Variants in MALRD1 observed in about 807,000 individuals in gnomAD.
The protein encoded by MALRD1 is MAM and LDL receptor class A domain containing 1.
A neutral mutation model predicts 242.1 loss-of-function variants in MALRD1; 247 were observed. The ratio of observed to expected loss-of-function variants is 1.02; its 90% CI spans 0.92 to 1.13. The LOEUF is 1.13. MALRD1 is among the 50% of genes most tolerant of loss of function. The pLI, the probability that MALRD1 is intolerant of heterozygous loss-of-function variation, is 0.00. For synonymous variants in MALRD1, 995 were observed against 866.6 expected (o/e 1.15, Z -2.60); for missense variants, 2,989 against 2,533.1 (o/e 1.18, Z -3.86).
At chr10:19,430,541 A>G (rs1261534346) in intron 28 of MALRD1, among the ~76,000 whole-genome samples, 2 of 152,120 alleles carry the variant, frequency 1.3e-5, no homozygotes, top group Admixed American at 6.5e-5. Flanking sequence ...ATAGCCCACT[A>G]AAGTACTCTC....
intron 8 of MALRD1, among the ~76,000 whole-genome samples, chr10:19,130,980 A>G (rs1441607982): frequency 1.3e-5 from 2 of 152,164 alleles, no homozygotes; most frequent in African/African-American, 4.8e-5. Context: ...TAGTGTATTA[A>G]CCAGAACCAA....
chr10:19,233,264 G>C (rs1017705665), intron 18 of MALRD1, among the ~76,000 whole-genome samples: 8 of 152,166 alleles, frequency 5.3e-5, no homozygotes, highest in African/African-American at 1.9e-4. Context: ...CTCTTTGGGA[G>C]GCCGAGGTGG....
chr10:19,387,390 T>C (rs1378477112), intron 26 of MALRD1, 138 bp from the exon 27 acceptor site: 1 of 965,182 alleles, frequency 1.0e-6, no homozygotes, highest in Non-Finnish European at 1.5e-6. Context: ...GAGAGAGAGA[T>C]GGGGTTCAGG....
rs374095193 is a variant in MALRD1, at chr10:19,373,203, C to CAAAAAAAAAAAAAAAAAAAAA, written c.4442-14308_4442-14307insAAAAAAAAAAAAAAAAAAAAA. On this transcript the variant is annotated intron_variant, in intron 26 of 39. Coordinates refer to ENST00000454679, the MANE Select transcript of MALRD1 (RefSeq NM_001142308.3). ...CTTGCATTTCAGCAAACGCTAAATA[C>CAAAAAAAAAAAAAAAAAAAAA]AAAAAAAAAAAAAAAAATAAGGGGC... Among the ~76,000 whole-genome samples the CAAAAAAAAAAAAAAAAAAAAA allele has an allele frequency of 3.9e-4, 45 of 114,844 alleles. 1 individual carries two copies. The highest frequency in any genetic ancestry group is 8.6e-4 in the African/African-American group (25 of 29,212). 75.3% of individuals were successfully genotyped at this position (114,844 alleles called of 152,430 possible).
At chr10:19,315,038 ATAAATAT>A (rs1238139268) in intron 21 of MALRD1, among the ~76,000 whole-genome samples, 7 of 142,942 alleles carry the variant, frequency 4.9e-5, no homozygotes, top group African/African-American at 1.5e-4. Context: ...TATAATTTAT[ATAAATAT>A]GTAAATATAA....
Position 19,615,849 on chromosome 10 carries a change from C to G in MALRD1, c.6071-8C>G. On this transcript the variant is annotated splice_polypyrimidine_tract_variant and splice_region_variant and intron_variant, in intron 35 of 39. Transcript: ENST00000454679. ...ATTAACTGGTGTCTTTGTGATGCTT[C>G]TTTTTAGAATGTCCATTAAATTACT... is the stretch of plus-strand genomic sequence containing the variant. 6.6e-7 allele frequency: 1 copy of G among 1,525,194 alleles called. No homozygotes were observed. Among genetic ancestry groups the G allele is most frequent in the South Asian group, 1.2e-5 (1 of 82,468 alleles). 94.5% of individuals were successfully genotyped at this position (1,525,194 alleles called of 1,614,324 possible).
At chr10:19,183,115 GTTTT>G (rs71387051) in intron 14 of MALRD1, among the ~76,000 whole-genome samples, 122 of 137,884 alleles carry the variant, frequency 8.8e-4, no homozygotes, top group Admixed American at 3.5e-3. Context: ...TATTTTGAGG[GTTTT>G]TTTTTTTTTT....
intron 28 of MALRD1, among the ~76,000 whole-genome samples, chr10:19,428,492 C>G (rs1003802902): frequency 2.6e-5 from 4 of 152,002 alleles, no homozygotes; most frequent in African/African-American, 7.2e-5. Context: ...TTCTCCTAAT[C>G]TCTGCCTCTT....
At chr10:19,529,521 A>C (rs2131341185) in intron 31 of MALRD1, among the ~76,000 whole-genome samples, 2 of 128,430 alleles carry the variant, frequency 1.6e-5, no homozygotes, top group South Asian at 3.1e-4. Flanking sequence ...CAATTAAAAA[A>C]CCAGAGAAGA....
At position 19,498,553 on chromosome 10, in the gene MALRD1, A is replaced by G. The variant is rs1190925508; in HGVS notation, c.5227A>G (p.Ser1743Gly). Residue 1743 changes from serine (S) to glycine (G), a missense_variant, in exon 31 of 40, where the codon AGT (serine) becomes GGT (glycine). Ser to Gly is a moderately conservative substitution (Grantham distance 56). Coordinates refer to ENST00000454679, the MANE Select transcript of MALRD1 (RefSeq NM_001142308.3). ...TTCAGGAAACTGGACCACAGCCTGC[A>G]GTCTTACTCAAGACTCTGAGGATGA... ...TSSGNWTTAC[S>G]LTQDSEDDLD... The G allele has an allele frequency of 6.4e-6, 10 of 1,550,426 alleles. No individual in the cohort carries two copies. The highest frequency in any genetic ancestry group is 1.2e-5 in the South Asian group (1 of 84,034).
chr10:19,440,018 A>G (rs1243982096), intron 28 of MALRD1, among the ~76,000 whole-genome samples: 2 of 152,098 alleles, frequency 1.3e-5, no homozygotes, highest in African/African-American at 2.4e-5. Flanking sequence ...GCTGCAAAAC[A>G]TTTCCTGGGG....
intron 18 of MALRD1, among the ~76,000 whole-genome samples, chr10:19,237,293 C>T (rs1180957583): frequency 4.0e-5 from 6 of 150,998 alleles, no homozygotes; most frequent in Non-Finnish European, 8.9e-5. Flanking sequence ...TTTGCCCTCC[C>T]CACTTCTTCC....
chr10:19,112,341 G>A (rs888787991), intron 5 of MALRD1, among the ~76,000 whole-genome samples: 6 of 151,882 alleles, frequency 4.0e-5, no homozygotes, highest in Non-Finnish European at 7.4e-5. Flanking sequence ...AGGGAGCATC[G>A]GAGACATGCC....
chr10:19,324,636 G>A (rs1441623179), intron 22 of MALRD1, among the ~76,000 whole-genome samples: 2 of 146,708 alleles, frequency 1.4e-5, no homozygotes, highest in Non-Finnish European at 3.0e-5. Flanking sequence ...TCCTGGTAAT[G>A]TCCCCTATAG....
chr10:19,672,074 T>C (rs1005085152), intron 36 of MALRD1, among the ~76,000 whole-genome samples: 3 of 152,292 alleles, frequency 2.0e-5, no homozygotes, highest in Admixed American at 2.0e-4. Flanking sequence ...GACTCATTTT[T>C]CTTCCATTGT....
chr10:19,589,732 C>T (rs1837661792), intron 33 of MALRD1, among the ~76,000 whole-genome samples: 2 of 152,198 alleles, frequency 1.3e-5, no homozygotes, highest in Admixed American at 6.5e-5. Context: ...TTCCCTCCAT[C>T]ACAGTCATCA....
intron 4 of MALRD1, among the ~76,000 whole-genome samples, chr10:19,097,610 A>G (rs2131319334): frequency 6.6e-6 from 1 of 152,338 alleles, no homozygotes; most frequent in South Asian, 2.1e-4. Context: ...CAGAGGCATT[A>G]GTACCAGAGT....
Position 19,307,331 on chromosome 10 carries a change from G to A in MALRD1, c.3420-16618G>A, listed in dbSNP as rs560402920. ...TCTGCCTGACACTACTGCCTTATCTGTACCATATGCTGTGATTCTGCTGGG... is the reference window on the plus strand; with the variant it reads ...TCTGCCTGACACTACTGCCTTATCTATACCATATGCTGTGATTCTGCTGGG... On this transcript the variant is annotated intron_variant, in intron 21 of 39. Transcript: ENST00000454679. Among the ~76,000 whole-genome samples, 97 of 151,374 alleles carry A rather than the reference G, an allele frequency of 6.4e-4. 1 individual carries two copies. The highest frequency in any genetic ancestry group is 1.2e-3 in the Non-Finnish European group (78 of 67,690).
At chr10:19,645,555 A>C (rs1840616953) in intron 36 of MALRD1, among the ~76,000 whole-genome samples, 1 of 152,234 alleles carries the variant, frequency 6.6e-6, no homozygotes. Flanking sequence ...GCCATAAAAA[A>C]TGATGAGTTC....
Sources: allele counts gnomAD v4.1 joint callset (sites outside exome capture counted in the v4.1 genomes callset), GRCh38; gene constraint gnomAD v4.1.1; transcripts MANE v1.5; gene names NCBI Gene and HGNC (gene_info 2026-07-23, HGNC 2026-07-21).